Variants in IL12RB2 observed in about 807,000 individuals in gnomAD.
IL12RB2 encodes interleukin 12 receptor subunit beta 2.
IL12RB2 carries 82 observed loss-of-function variants against 89.4 expected under a neutral mutation model. The ratio of observed to expected loss-of-function variants is 0.92; its 90% CI spans 0.77 to 1.10. The LOEUF is 1.10. Among genes scored for constraint, IL12RB2 ranks in the 50% least tolerant of loss-of-function variants. The pLI is 0.00. For missense variants in IL12RB2, 963 were observed against 1,031.9 expected (o/e 0.93, Z 0.92); for synonymous variants, 368 against 370.1 (o/e 0.99, Z 0.07).
chr1:67,328,017 G>C (rs1657556652), intron 5 of IL12RB2, among the ~76,000 whole-genome samples, 183 bp from the exon 6 acceptor site: 1 of 152,206 alleles, frequency 6.6e-6, no homozygotes, highest in African/African-American at 2.4e-5. Flanking sequence ...AAGGGAGTTG[G>C]GTGAAGTATA....
chr1:67,392,788 G>A lies in IL12RB2; in HGVS notation c.2046+2660G>A, dbSNP rs571955676. Among the ~76,000 whole-genome samples, 5 of 151,940 alleles carry A rather than the reference G, an allele frequency of 3.3e-5. No individual in the cohort carries two copies. In the East Asian group the frequency reaches 7.8e-4, roughly 24 times the overall value. On this transcript the variant is annotated intron_variant, in intron 16 of 16. Transcript: ENST00000674203. ...TGGGACTGCAGGGGCACGCTGCCACGCCTGGCTAATTTTTTTGTATTTTTT... is the reference window on the plus strand; with the variant it reads ...TGGGACTGCAGGGGCACGCTGCCACACCTGGCTAATTTTTTTGTATTTTTT...
At chr1:67,316,346 G>A (rs765264480) in intron 2 of IL12RB2, among the ~76,000 whole-genome samples, 9 of 151,776 alleles carry the variant, frequency 5.9e-5, no homozygotes, top group Non-Finnish European at 1.3e-4. Flanking sequence ...TGAGGACCAC[G>A]TCATCATCAT....
chr1:67,390,455 C>CT (rs67532605), intron 16 of IL12RB2, among the ~76,000 whole-genome samples: 13,222 of 107,452 alleles, frequency 0.12, 1,048 homozygotes, highest in African/African-American at 0.17. Context: ...GCAAACTTTC[C>CT]TTTTTTTTTT....
At chr1:67,381,180 A>G (rs977167937) in intron 14 of IL12RB2, among the ~76,000 whole-genome samples, 21 of 152,210 alleles carry the variant, frequency 1.4e-4, no homozygotes, top group African/African-American at 4.3e-4. Flanking sequence ...AGGTCATGGA[A>G]GTGGTAAGTG....
intron 14 of IL12RB2, among the ~76,000 whole-genome samples, chr1:67,381,280 C>T (rs1664540984): frequency 6.6e-6 from 1 of 152,186 alleles, no homozygotes; most frequent in African/African-American, 2.4e-5. Flanking sequence ...GGCTTCCCTC[C>T]ACCAGCTAAG....
intron 13 of IL12RB2, among the ~76,000 whole-genome samples, chr1:67,376,509 C>T (rs572349052): frequency 2.6e-5 from 4 of 152,230 alleles, no homozygotes; most frequent in Non-Finnish European, 4.4e-5. Flanking sequence ...GTTTTCAGAC[C>T]GCCAAGGATT....
At chr1:67,373,112 CTTCT>C (rs1481183608) in intron 13 of IL12RB2, among the ~76,000 whole-genome samples, 1 of 151,962 alleles carries the variant, frequency 6.6e-6, no homozygotes, top group Non-Finnish European at 1.5e-5. Context: ...ACTGTATAGA[CTTCT>C]TTGTTTTTTT....
chr1:67,386,662 C>A lies in IL12RB2; in HGVS notation c.1939C>A (p.Gln647Lys), dbSNP rs1382235798. 1.9e-6 allele frequency: 3 copies of A among 1,605,358 alleles called. No homozygotes were observed. Among genetic ancestry groups the A allele is most frequent in the Admixed American group, 3.3e-5 (2 of 59,966 alleles). Residue 647 changes from glutamine (Q) to lysine (K), a missense_variant, in exon 15 of 17, where the codon CAG becomes AAG. By Grantham distance (53) the Gln-to-Lys change is moderately conservative. Coordinates refer to ENST00000674203, the MANE Select transcript of IL12RB2 (RefSeq NM_001374259.2). ...MVGIFSTHYF[Q>K]QKVFVLLAAL... ...GGGCATTTTCTCAACGCATTACTTC[C>A]AGCAAAAGTGAGTTGGTTACACCTA...
chr1:67,312,432 C>T (rs1655189895), intron 1 of IL12RB2, among the ~76,000 whole-genome samples: 1 of 152,044 alleles, frequency 6.6e-6, no homozygotes, highest in Non-Finnish European at 1.5e-5. Flanking sequence ...TTTCTTTTTA[C>T]TGTTATATTG....
intron 16 of IL12RB2, among the ~76,000 whole-genome samples, chr1:67,393,635 C>T (rs889355060): frequency 6.6e-5 from 10 of 152,190 alleles, no homozygotes; most frequent in African/African-American, 1.7e-4. Context: ...TCTAGCTTGG[C>T]GGGGCCCTTT....
intron 13 of IL12RB2, among the ~76,000 whole-genome samples, chr1:67,378,581 G>A (rs2101054766): frequency 6.6e-6 from 1 of 152,318 alleles, no homozygotes; most frequent in Non-Finnish European, 1.5e-5. Context: ...GCCAGGTGAT[G>A]TGGCTCATGC....
intron 11 of IL12RB2, among the ~76,000 whole-genome samples, 195 bp from the exon 12 acceptor site, chr1:67,372,241 A>C (rs1243044283): frequency 6.6e-6 from 1 of 152,188 alleles, no homozygotes; most frequent in African/African-American, 2.4e-5. Context: ...TAACTTCCAG[A>C]AGCCAACGTC....
At chr1:67,327,175 G>A (rs1407515195) in intron 5 of IL12RB2, among the ~76,000 whole-genome samples, 2 of 151,888 alleles carry the variant, frequency 1.3e-5, no homozygotes, top group Admixed American at 6.6e-5. Context: ...TGGCCAGGAT[G>A]GTCTCGATCT....
intron 8 of IL12RB2, among the ~76,000 whole-genome samples, chr1:67,333,858 T>C (rs1658422491): frequency 6.6e-6 from 1 of 152,212 alleles, no homozygotes; most frequent in Non-Finnish European, 1.5e-5. Flanking sequence ...CAGGAAGAGA[T>C]GCCAAAATAC....
chr1:67,338,154 G>C (rs1659041481), intron 8 of IL12RB2, among the ~76,000 whole-genome samples: 1 of 150,902 alleles, frequency 6.6e-6, no homozygotes, highest in Non-Finnish European at 1.5e-5. Flanking sequence ...CATGATGAAA[G>C]CCTGTCTGTA....
At chr1:67,308,396 T>G (rs1457228443) in intron 1 of IL12RB2, among the ~76,000 whole-genome samples, 1 of 151,954 alleles carries the variant, frequency 6.6e-6, no homozygotes, top group Admixed American at 6.6e-5. Context: ...TGCTTGAAAA[T>G]GTATCAAATG....
intron 10 of IL12RB2, 120 bp downstream of exon 10, chr1:67,351,209 A>G: frequency 6.5e-7 from 1 of 1,531,352 alleles, no homozygotes; most frequent in Non-Finnish European, 8.8e-7. Context: ...CTTTGGAGTC[A>G]ACAGCTTTCA....
At chr1:67,350,179 T>C (rs1278894565) in intron 9 of IL12RB2, among the ~76,000 whole-genome samples, 1 of 152,266 alleles carries the variant, frequency 6.6e-6, no homozygotes, top group Non-Finnish European at 1.5e-5. Context: ...TATTCTATGC[T>C]TCTGTTTCCC....
chr1:67,317,076 A>T (rs1655872868), intron 2 of IL12RB2, among the ~76,000 whole-genome samples: 1 of 152,070 alleles, frequency 6.6e-6, no homozygotes, highest in African/African-American at 2.4e-5. Flanking sequence ...GATGAATAAG[A>T]CTCACCCAGT....
Sources: gnomAD v4.1 joint callset for allele counts (sites outside exome capture counted in the v4.1 genomes callset) on GRCh38, gnomAD v4.1.1 for gene constraint, MANE v1.5 for transcripts, NCBI Gene and HGNC (gene_info 2026-07-23, HGNC 2026-07-21) for gene names.